GREB1L: variants seen among roughly 807,000 people sequenced by gnomAD.
GREB1L encodes the protein GREB1 like retinoic acid receptor coactivator.
In GREB1L, 17 loss-of-function variants were observed where a neutral mutation model predicts 200.8. The observed-to-expected ratio is 0.08, with a 90% CI of 0.06 to 0.13. GREB1L has a LOEUF of 0.13. GREB1L is among the 10% of genes least tolerant of loss of function. The pLI, the probability that GREB1L is intolerant of heterozygous loss-of-function variation, is 1.00. For missense variants in GREB1L, 1,657 were observed against 2,367.7 expected, an observed-to-expected ratio of 0.70 and a Z score of 6.23; for synonymous variants, 789 against 893.0, an observed-to-expected ratio of 0.88 and a Z score of 2.08.
intron 19 of GREB1L, among the ~76,000 whole-genome samples, chr18:21,490,939 C>T (rs2036309333): frequency 6.6e-6 from 1 of 152,146 alleles, no homozygotes; most frequent in Non-Finnish European, 1.5e-5. Context: ...GCCAGGCGCC[C>T]TACAGAAGAA....
chr18:21,374,835 A>G (rs562025633), intron 2 of GREB1L, among the ~76,000 whole-genome samples: 1 of 149,644 alleles, frequency 6.7e-6, no homozygotes, highest in Non-Finnish European at 1.5e-5. Context: ...CAAAAGGGGA[A>G]CTTTTTTCCT....
chr18:21,390,294 TA>T (rs113915650), intron 4 of GREB1L, among the ~76,000 whole-genome samples: 49,825 of 148,698 alleles, frequency 0.34, 11,131 homozygotes, highest in African/African-American at 0.61. Context: ...TTCTACTTAT[TA>T]AAAAAAAAAA....
chr18:21,282,933 T>TA lies in GREB1L; in HGVS notation c.-120+40541dup, dbSNP rs2038294595. Among the ~76,000 whole-genome samples the TA allele has an allele frequency of 2.0e-5, 3 of 152,234 alleles. 1 individual carries two copies. The South Asian group carries it at 6.2e-4, about 31-fold the overall frequency. On this transcript the variant is annotated intron_variant, in intron 1 of 32. Transcript: ENST00000424526. ...CTTTTAATGGCAACCTAATGCATAGTACTTCATAAGGTACATGTATTGTAC... is the reference window on the plus strand; with the variant it reads ...CTTTTAATGGCAACCTAATGCATAGTAACTTCATAAGGTACATGTATTGTAC...
intron 1 of GREB1L, among the ~76,000 whole-genome samples, chr18:21,332,613 T>C (rs1229063986): frequency 5.3e-5 from 8 of 152,146 alleles, no homozygotes; most frequent in African/African-American, 1.9e-4. Flanking sequence ...TAGCTGAGAT[T>C]ACAGGTGCCT....
chr18:21,429,153 TCCCTCCCTCCCTTC>T (rs2032918710), intron 7 of GREB1L, among the ~76,000 whole-genome samples: 1 of 69,824 alleles, frequency 1.4e-5, no homozygotes, highest in Non-Finnish European at 2.7e-5. Flanking sequence ...CTTCCTCCCT[TCCCTCCCTCCCTTC>T]CCCTCCCTTC....
At chr18:21,477,799 A>AC (rs1026004524) in intron 17 of GREB1L, among the ~76,000 whole-genome samples, 3 of 151,888 alleles carry the variant, frequency 2.0e-5, no homozygotes, top group African/African-American at 7.3e-5. Flanking sequence ...AAAAAAAAAA[A>AC]CAAAAAACTA....
intron 7 of GREB1L, among the ~76,000 whole-genome samples, chr18:21,425,522 A>T (rs1302933814): frequency 1.3e-5 from 2 of 152,228 alleles, no homozygotes; most frequent in Non-Finnish European, 2.9e-5. Context: ...ATGTGTGAGG[A>T]TTCAAATTTC....
chr18:21,242,371 C>A lies in GREB1L; in HGVS notation c.-142C>A, dbSNP rs985453461. The A allele has an allele frequency of 6.6e-6, 1 of 152,150 alleles. No individual in the cohort carries two copies. The highest frequency in any genetic ancestry group is 1.5e-5 in the Non-Finnish European group (1 of 68,072). 9.4% of individuals were successfully genotyped at this position (152,150 alleles called of 1,614,324 possible). On this transcript the variant is annotated 5_prime_UTR_variant, in exon 1 of 33. Coordinates refer to ENST00000424526, the MANE Select transcript of GREB1L (RefSeq NM_001142966.3). Reference sequence around the variant, plus strand: ...CCGAGGGCCACCCCCTGGTCCTCTGCCCTCGCGCCCCGCTAGGGCCAGGTG... The same window carrying A: ...CCGAGGGCCACCCCCTGGTCCTCTGACCTCGCGCCCCGCTAGGGCCAGGTG...
intron 27 of GREB1L, among the ~76,000 whole-genome samples, chr18:21,509,687 C>T (rs1301057882): frequency 6.6e-6 from 1 of 152,092 alleles, no homozygotes; most frequent in Non-Finnish European, 1.5e-5. Flanking sequence ...CTCCCCAAAA[C>T]CACCTATACT....
At chr18:21,363,996 C>G (rs916617176) in intron 1 of GREB1L, 45 of 152,070 alleles carry the variant, frequency 3.0e-4, no homozygotes, top group African/African-American at 1.0e-3. Context: ...AATTAGTAGT[C>G]TTTTAAATGT....
chr18:21,475,512 C>A (rs1271228712), intron 16 of GREB1L, among the ~76,000 whole-genome samples: 1 of 152,066 alleles, frequency 6.6e-6, no homozygotes, highest in Non-Finnish European at 1.5e-5. Flanking sequence ...ACGCCCGCCA[C>A]ACGTCTGGCT....
chr18:21,380,282 T>G (rs1183395009), intron 2 of GREB1L: 1 of 152,186 alleles, frequency 6.6e-6, no homozygotes. Context: ...CTGGGAAACT[T>G]GAGATAGAGT....
rs1261065734 is a variant in GREB1L at position 21,439,476 on chromosome 18, C to T, written c.833-45C>T. 4 of 1,185,474 alleles carry T rather than the reference C, an allele frequency of 3.4e-6. No homozygotes were observed. In the African/African-American group the frequency reaches 6.1e-5, roughly 18 times the overall value. The allele number at this position is 1,185,474 out of a possible 1,614,324, so 73.4% of individuals were successfully genotyped here. Reference sequence around the variant, plus strand: ...TTCCAGCATCCCAGAAAGCAGTGCCCCGCCCAGCCTCTGTTCTGAGCACTC... The same window carrying T: ...TTCCAGCATCCCAGAAAGCAGTGCCTCGCCCAGCCTCTGTTCTGAGCACTC... On this transcript the variant is annotated intron_variant, in intron 7 of 32. Transcript: ENST00000424526.
At chr18:21,441,106 G>C (rs534742583) in intron 9 of GREB1L, among the ~76,000 whole-genome samples, 2 of 152,218 alleles carry the variant, frequency 1.3e-5, no homozygotes, top group South Asian at 4.1e-4. Flanking sequence ...TAATCTTGGG[G>C]GGAAAGCTAA....
In GREB1L at chr18:21,471,521, C is replaced by T. The variant is rs2145670492; in HGVS notation, c.2183-1510C>T. On this transcript the variant is annotated intron_variant, in intron 15 of 32. Transcript: ENST00000424526. ...AGATTTAGATCTTAGTCCTGTTCCC[C>T]TCTATCCCCAGACCTAGCACAGTAA... is the stretch of plus-strand genomic sequence containing the variant. Among the ~76,000 whole-genome samples the T allele has an allele frequency of 2.0e-5, 3 of 152,276 alleles. No individual in the cohort carries two copies. In the South Asian group the frequency reaches 6.2e-4, roughly 32 times the overall value.
intron 1 of GREB1L, among the ~76,000 whole-genome samples, chr18:21,323,969 T>C (rs1280589422): frequency 6.6e-6 from 1 of 152,108 alleles, no homozygotes; most frequent in Non-Finnish European, 1.5e-5. Flanking sequence ...GAAACTAACC[T>C]ATGGATACAC....
intron 19 of GREB1L, among the ~76,000 whole-genome samples, chr18:21,491,588 C>T (rs1198373051): frequency 3.3e-5 from 5 of 151,858 alleles, no homozygotes; most frequent in Admixed American, 2.6e-4. Context: ...TGGCGGGTGC[C>T]TGTATTCCCA....
intron 1 of GREB1L, among the ~76,000 whole-genome samples, chr18:21,250,190 C>A (rs1484330811): frequency 6.6e-6 from 1 of 152,096 alleles, no homozygotes; most frequent in Non-Finnish European, 1.5e-5. Context: ...GGGATTAGGT[C>A]AGAGAGGTAA....
chr18:21,395,069 G>GCA (rs1310229089), intron 4 of GREB1L, among the ~76,000 whole-genome samples: 2 of 136,230 alleles, frequency 1.5e-5, no homozygotes, highest in Non-Finnish European at 3.0e-5. Context: ...TCCCACCATT[G>GCA]CACTCCAGCC....
Sources: gnomAD v4.1 joint callset for allele counts (sites outside exome capture counted in the v4.1 genomes callset) on GRCh38, gnomAD v4.1.1 for gene constraint, MANE v1.5 for transcripts, NCBI Gene and HGNC (gene_info 2026-07-23, HGNC 2026-07-21) for gene names.